PSTPIP2: variants seen among roughly 807,000 people sequenced by gnomAD.
PSTPIP2 encodes the protein proline-serine-threonine phosphatase interacting protein 2, also known as proline-serine-threonine phosphatase-interacting protein 2.
In PSTPIP2, 33 loss-of-function variants were observed where a neutral mutation model predicts 63.3. The ratio of observed to expected loss-of-function variants is 0.52; its 90% CI spans 0.40 to 0.70. The LOEUF (loss-of-function observed/expected upper bound fraction) is 0.70, where lower values mean the gene tolerates loss of function less well. PSTPIP2 is among the 30% of genes least tolerant of loss of function. The pLI, the probability that PSTPIP2 is intolerant of heterozygous loss-of-function variation, is 0.00. For synonymous variants in PSTPIP2, 125 were observed against 132.7 expected (o/e 0.94, Z 0.40); for missense variants, 312 against 400.7 (o/e 0.78, Z 1.89).
chr18:45,993,786 T>C, intron 9 of PSTPIP2, 83 bp from the exon 10 acceptor site: 2 of 1,168,272 alleles, frequency 1.7e-6, no homozygotes, highest in Non-Finnish European at 1.3e-6. Context: ...AGAAACAGTG[T>C]CAACCTTCAG....
chr18:46,023,779 T>C (rs1907470080), intron 3 of PSTPIP2, among the ~76,000 whole-genome samples: 1 of 151,840 alleles, frequency 6.6e-6, no homozygotes, highest in South Asian at 2.1e-4. Context: ...TCTTCAGAGG[T>C]CCTAATGGGG....
At chr18:46,016,443 C>T (rs113852038) in intron 3 of PSTPIP2, among the ~76,000 whole-genome samples, 1,860 of 152,232 alleles carry the variant, frequency 0.012, 41 homozygotes, top group African/African-American at 0.042. Flanking sequence ...GTCCTGACTG[C>T]CTCCTTTTTC....
intron 5 of PSTPIP2, among the ~76,000 whole-genome samples, chr18:46,008,843 G>T (rs574330176): frequency 1.3e-5 from 2 of 152,040 alleles, no homozygotes; most frequent in South Asian, 2.1e-4. Flanking sequence ...TGTCAATACC[G>T]CTGAGAATGG....
intron 1 of PSTPIP2, among the ~76,000 whole-genome samples, chr18:46,057,014 G>A (rs1908780769): frequency 6.6e-6 from 1 of 152,068 alleles, no homozygotes; most frequent in Non-Finnish European, 1.5e-5. Flanking sequence ...TGAGGCAGGA[G>A]AACTGCTTGA....
At chr18:46,063,519 G>C (rs1415265483) in intron 1 of PSTPIP2, among the ~76,000 whole-genome samples, 1 of 152,022 alleles carries the variant, frequency 6.6e-6, no homozygotes, top group Non-Finnish European at 1.5e-5. Context: ...GCCAAACTGG[G>C]AATCAAACCC....
intron 4 of PSTPIP2, 28 bp from the exon 5 acceptor site, chr18:46,011,315 A>G: frequency 1.3e-6 from 2 of 1,526,258 alleles, no homozygotes; most frequent in Non-Finnish European, 1.8e-6. Context: ...AAAAAAAATC[A>G]AGGTCTACAT....
chr18:46,006,387 T>C (rs1472306674), intron 5 of PSTPIP2, among the ~76,000 whole-genome samples: 1 of 117,622 alleles, frequency 8.5e-6, no homozygotes, highest in South Asian at 3.0e-4. Context: ...TTTTTTTTTT[T>C]CTGAGACAGA....
At chr18:46,027,531 A>G (rs540998948) in intron 2 of PSTPIP2, among the ~76,000 whole-genome samples, 15 of 151,936 alleles carry the variant, frequency 9.9e-5, no homozygotes, top group African/African-American at 3.6e-4. Context: ...TCTACAAAAA[A>G]ATACAAAAAT....
At chr18:45,994,088 G>A (rs1025637887) in intron 9 of PSTPIP2, 2 of 294,088 alleles carry the variant, frequency 6.8e-6, no homozygotes, top group Non-Finnish European at 1.3e-5. Context: ...TGACTGGCAA[G>A]ATGGTCATAA....
intron 8 of PSTPIP2, 119 bp downstream of exon 8, chr18:45,998,675 G>C: frequency 4.1e-6 from 4 of 984,654 alleles, no homozygotes; most frequent in South Asian, 3.6e-5. Context: ...CACTAATCCT[G>C]CTGAATATCC....
At position 46,038,365 on chromosome 18, in the gene PSTPIP2, A is replaced by G. The variant is rs60886363; in HGVS notation, c.134+1582T>C. ...TGATTTAGACAAACCCCACTGTATC[A>G]GGGGACCCTTGGATGGCCCCCCAGG... On this transcript the variant is annotated intron_variant, in intron 2 of 14. Coordinates refer to ENST00000409746, the MANE Select transcript of PSTPIP2 (RefSeq NM_024430.4). 8.6e-3 allele frequency among the ~76,000 whole-genome samples: 1,304 copies of G among 152,306 alleles called. 18 individuals carry two copies. Among genetic ancestry groups the G allele is most frequent in the African/African-American group, 0.029 (1,226 of 41,570 alleles).
At chr18:46,017,628 ATGTAT>A (rs2051866362) in intron 3 of PSTPIP2, among the ~76,000 whole-genome samples, 1 of 151,556 alleles carries the variant, frequency 6.6e-6, no homozygotes, top group Non-Finnish European at 1.5e-5. Context: ...CTTTTTTGAA[ATGTAT>A]TTATTTACTT....
intron 1 of PSTPIP2, among the ~76,000 whole-genome samples, chr18:46,050,749 G>T (rs958313202): frequency 6.6e-6 from 1 of 151,964 alleles, no homozygotes; most frequent in African/African-American, 2.4e-5. Context: ...ATATATATGA[G>T]CCCATTATAA....
intron 1 of PSTPIP2, among the ~76,000 whole-genome samples, chr18:46,063,005 A>C (rs1422715501): frequency 6.6e-6 from 1 of 152,050 alleles, no homozygotes; most frequent in Non-Finnish European, 1.5e-5. Context: ...CATACTCAAA[A>C]GACAGTATTT....
At chr18:45,996,690 G>A (rs904891386) in intron 9 of PSTPIP2, among the ~76,000 whole-genome samples, 1 of 151,686 alleles carries the variant, frequency 6.6e-6, no homozygotes, top group South Asian at 2.1e-4. Context: ...TGGCAACTCA[G>A]GAGGCAAAGG....
intron 1 of PSTPIP2, among the ~76,000 whole-genome samples, chr18:46,059,150 C>G (rs1908894991): frequency 6.6e-6 from 1 of 152,034 alleles, no homozygotes; most frequent in South Asian, 2.1e-4. Flanking sequence ...GATTCTTCTG[C>G]CTCAGCCTCC....
intron 1 of PSTPIP2, among the ~76,000 whole-genome samples, chr18:46,041,901 G>A (rs190278641): frequency 6.6e-6 from 1 of 152,312 alleles, no homozygotes; most frequent in Admixed American, 6.5e-5. Flanking sequence ...AGGAAGTGTA[G>A]CTCTGTATGG....
intron 1 of PSTPIP2, among the ~76,000 whole-genome samples, chr18:46,052,268 A>G (rs1908607579): frequency 6.6e-6 from 1 of 152,118 alleles, no homozygotes; most frequent in East Asian, 1.9e-4. Context: ...GTTCCTTTTC[A>G]CTCCAAGTAC....
chr18:46,066,110 C>T (rs1221933789), intron 1 of PSTPIP2, among the ~76,000 whole-genome samples: 1 of 151,860 alleles, frequency 6.6e-6, no homozygotes. Flanking sequence ...GAGGCCAAGG[C>T]AGGCAGATTG....
Sources: allele counts gnomAD v4.1 joint callset (sites outside exome capture counted in the v4.1 genomes callset), GRCh38; gene constraint gnomAD v4.1.1; transcripts MANE v1.5; gene names NCBI Gene and HGNC (gene_info 2026-07-23, HGNC 2026-07-21).